Variants in ANKRD1 observed in about 807,000 individuals in gnomAD.
ANKRD1 encodes ankyrin repeat domain 1.
In ANKRD1, 32 loss-of-function variants were observed where a neutral mutation model predicts 40.1. The ratio of observed to expected loss-of-function variants is 0.80; its 90% CI spans 0.60 to 1.07. The LOEUF (loss-of-function observed/expected upper bound fraction) is 1.07. ANKRD1 is among the 50% of genes least tolerant of loss of function. ANKRD1 has a pLI of 0.00. For missense variants in ANKRD1, 359 were observed against 386.0 expected, an observed-to-expected ratio of 0.93 and a Z score of 0.59; for synonymous variants, 149 against 141.2, an observed-to-expected ratio of 1.06 and a Z score of -0.39.
intron 8 of ANKRD1, 40 bp from the exon 9 acceptor site, chr10:90,913,016 T>G: frequency 1.3e-6 from 2 of 1,549,294 alleles, no homozygotes; most frequent in Non-Finnish European, 1.8e-6. Context: ...TTCAGGTGGG[T>G]GACATCTGTA....
chr10:90,919,909 G>A (rs576176025), intron 2 of ANKRD1, among the ~76,000 whole-genome samples: 1 of 152,302 alleles, frequency 6.6e-6, no homozygotes, highest in East Asian at 1.9e-4. Flanking sequence ...GTAACATCAG[G>A]AATTCACTGG....
At position 90,912,853 on chromosome 10, in the gene ANKRD1, T is replaced by G; in HGVS notation, c.*13A>C. 2 of 1,610,184 alleles carry G rather than the reference T, an allele frequency of 1.2e-6. No homozygotes were observed. The highest frequency in any genetic ancestry group is 1.3e-5 in the African/African-American group (1 of 74,920). ...CCAGTGAACATTTACTGATTAAGAG[T>G]CTGTCGTTTGCCTCAGAATGTAGCT... On this transcript the variant is annotated 3_prime_UTR_variant, in exon 9 of 9. Coordinates refer to ENST00000371697, the MANE Select transcript of ANKRD1 (RefSeq NM_014391.3).
In ANKRD1 at chr10:90,919,120, A is replaced by G; in HGVS notation, c.345+11T>C. 1.2e-5 allele frequency: 19 copies of G among 1,612,940 alleles called. No homozygotes were observed. The highest frequency in any genetic ancestry group is 1.6e-5 in the Non-Finnish European group (19 of 1,179,730). ...ACATGTATTACTGGAAACCAAAAAA[A>G]AAGCCCTTACAATGATTTCAGGTTC... On this transcript the variant is annotated intron_variant, in intron 3 of 8. Transcript: ENST00000371697.
Position 90,912,564 on chromosome 10 carries a change from T to C in ANKRD1, c.*302A>G, listed in dbSNP as rs1847326931. ...ACCTGGTTTAAGAACTACCTATGGGTGGGAAGGCTCTGAAAGTGTTATATA... is the reference window on the plus strand; with the variant it reads ...ACCTGGTTTAAGAACTACCTATGGGCGGGAAGGCTCTGAAAGTGTTATATA... On this transcript the variant is annotated 3_prime_UTR_variant, in exon 9 of 9. Transcript: ENST00000371697. 1 of 360,818 alleles carries C rather than the reference T, an allele frequency of 2.8e-6. No individual in the cohort carries two copies. Among genetic ancestry groups the C allele is most frequent in the Non-Finnish European group, 5.3e-6 (1 of 187,186 alleles). 22.4% of individuals were successfully genotyped at this position (360,818 alleles called of 1,614,324 possible).
chr10:90,918,535 CA>C (rs1466790868), intron 4 of ANKRD1, among the ~76,000 whole-genome samples: 2 of 151,706 alleles, frequency 1.3e-5, no homozygotes, highest in African/African-American at 2.4e-5. Context: ...TGGTTTTAAT[CA>C]AAGATGATGC....
At chr10:90,918,110 T>A (rs932070030) in intron 4 of ANKRD1, among the ~76,000 whole-genome samples, 3 of 152,210 alleles carry the variant, frequency 2.0e-5, no homozygotes, top group Non-Finnish European at 4.4e-5. Context: ...TGCTGACATC[T>A]CCGTTTCTTC....
Position 90,912,940 on chromosome 10 carries a change from G to T in ANKRD1, c.886C>A (p.Gln296Lys). ...KTPMDLVLHW[Q>K]NGTKAIFDSL... ...TCGAATATTGCTTTGGTTCCATTCT[G>T]CCAGTGTAGCACCAGATCCATCGGC... Residue 296 changes from glutamine (Q) to lysine (K), a missense_variant, in exon 9 of 9, where the codon CAG becomes AAG. Physicochemically the swap from Gln to Lys is moderately conservative, Grantham distance 53. Coordinates refer to ENST00000371697, the MANE Select transcript of ANKRD1 (RefSeq NM_014391.3). 1 of 1,614,054 alleles carries T rather than the reference G, an allele frequency of 6.2e-7. No homozygotes were observed. Among genetic ancestry groups the T allele is most frequent in the South Asian group, 1.1e-5 (1 of 91,070 alleles).
At position 90,919,125 on chromosome 10, in the gene ANKRD1, C is replaced by T. The variant is rs1490248243; in HGVS notation, c.345+6G>A. The T allele has an allele frequency of 5.0e-6, 8 of 1,612,800 alleles. No individual in the cohort carries two copies. The East Asian group carries it at 1.8e-4, about 36-fold the overall frequency. ...TATTACTGGAAACCAAAAAAAAAGC[C>T]CTTACAATGATTTCAGGTTCTGGTT... is the stretch of plus-strand genomic sequence containing the variant. On this transcript the variant is annotated splice_donor_region_variant and intron_variant, in intron 3 of 8. Coordinates refer to ENST00000371697, the MANE Select transcript of ANKRD1 (RefSeq NM_014391.3).
chr10:90,920,417 C>A (rs1847424590), intron 1 of ANKRD1, 69 bp from the exon 2 acceptor site: 1 of 1,575,212 alleles, frequency 6.3e-7, no homozygotes, highest in African/African-American at 1.3e-5. Context: ...ACAGACAATG[C>A]CGCAGGAGGC....
intron 3 of ANKRD1, 24 bp from the exon 4 acceptor site, chr10:90,918,996 A>G (rs775530036): frequency 1.7e-5 from 3 of 181,456 alleles, no homozygotes; most frequent in South Asian, 9.3e-5. Context: ...AAATAAATAT[A>G]TATATATATA....
chr10:90,915,477 C>T, intron 8 of ANKRD1, 66 bp downstream of exon 8: 2 of 1,426,384 alleles, frequency 1.4e-6, no homozygotes, highest in Non-Finnish European at 2.0e-6. Flanking sequence ...GTCGTTTCAC[C>T]TATTTAAGAA....
chr10:90,920,228 C>T lies in ANKRD1; in HGVS notation c.148G>A (p.Ala50Thr). 2 of 1,614,092 alleles carry T rather than the reference C, an allele frequency of 1.2e-6. No homozygotes were observed. The highest frequency in any genetic ancestry group is 2.2e-5 in the South Asian group (2 of 91,076). ...TGCTCCCCCAGGGTCACAGGGTGGG[C>T]TAGAAGTGTCTTCAGATCCTCCTGC... ...EKQEDLKTLL[A>T]HPVTLGEQQW... is the part of the protein sequence containing the mutation. Residue 50 changes from alanine (A) to threonine (T), a missense_variant, in exon 2 of 9, where the codon GCC becomes ACC. Coordinates refer to ENST00000371697, the MANE Select transcript of ANKRD1 (RefSeq NM_014391.3).
intron 4 of ANKRD1, 147 bp from the exon 5 acceptor site, chr10:90,917,977 T>G (rs1210598866): frequency 7.4e-6 from 5 of 671,504 alleles, no homozygotes; most frequent in Non-Finnish European, 1.0e-5. Context: ...CAAAGTTAAC[T>G]AAAATTGCAG....
In ANKRD1 at chr10:90,915,786, TCTTTGGC is replaced by T. The variant is rs778060304; in HGVS notation, c.739_745del (p.Ala247ThrfsTer12). On this transcript the variant is annotated frameshift_variant, in exon 7 of 9. Coordinates refer to ENST00000371697, the MANE Select transcript of ANKRD1 (RefSeq NM_014391.3). LOFTEE classifies it high-confidence loss of function. ...CGAGCGTGTCCAGCTACTCACTCTGTCTTTGGCGTTGAGGTCTGCCTCACAGGCGATA... is the reference window on the plus strand; with the variant it reads ...CGAGCGTGTCCAGCTACTCACTCTGTGTTGAGGTCTGCCTCACAGGCGATA... 3 of 1,613,792 alleles carry T rather than the reference TCTTTGGC, an allele frequency of 1.9e-6. No individual in the cohort carries two copies. The African/African-American group carries it at 4.0e-5, about 22-fold the overall frequency.
At chr10:90,913,599 C>T (rs952815421) in intron 8 of ANKRD1, among the ~76,000 whole-genome samples, 2 of 152,108 alleles carry the variant, frequency 1.3e-5, no homozygotes, top group Non-Finnish European at 2.9e-5. Context: ...CCCTTATGCA[C>T]GTGTCTCAAG....
intron 5 of ANKRD1, among the ~76,000 whole-genome samples, chr10:90,916,721 A>G (rs1288987475): frequency 6.6e-6 from 1 of 152,224 alleles, no homozygotes; most frequent in South Asian, 2.1e-4. Context: ...TGGAACTTCT[A>G]ACTTCTTTTG....
chr10:90,916,067 G>C (rs1589508985), intron 6 of ANKRD1, 104 bp downstream of exon 6: 2 of 538,608 alleles, frequency 3.7e-6, no homozygotes, highest in Non-Finnish European at 6.5e-6. Context: ...AGGGCGGGTG[G>C]GGGAGAAGGA....
chr10:90,913,650 C>T (rs1847340560), intron 8 of ANKRD1, among the ~76,000 whole-genome samples: 3 of 152,186 alleles, frequency 2.0e-5, no homozygotes, highest in Non-Finnish European at 4.4e-5. Flanking sequence ...CAATTCTCAT[C>T]TATAGATCTG....
At chr10:90,913,789 A>AT (rs561459091) in intron 8 of ANKRD1, among the ~76,000 whole-genome samples, 5 of 152,048 alleles carry the variant, frequency 3.3e-5, no homozygotes, top group East Asian at 1.9e-4. Context: ...CAGAACTTAG[A>AT]TTTTTTTTAA....
Sources: gnomAD v4.1 joint callset for allele counts (sites outside exome capture counted in the v4.1 genomes callset) on GRCh38, gnomAD v4.1.1 for gene constraint, MANE v1.5 for transcripts, NCBI Gene and HGNC (gene_info 2026-07-23, HGNC 2026-07-21) for gene names.